Variants in YEATS2 observed in about 807,000 individuals in gnomAD.
YEATS2 encodes the protein YEATS domain-containing protein 2.
YEATS2 carries 77 observed loss-of-function variants against 163.2 expected under a neutral mutation model. The observed-to-expected ratio is 0.47, with a 90% CI of 0.39 to 0.57. The LOEUF (loss-of-function observed/expected upper bound fraction) is 0.57, where lower values mean the gene tolerates loss of function less well. YEATS2 is among the 20% of genes least tolerant of loss of function. The pLI is 0.00. For synonymous variants in YEATS2, 631 were observed against 645.1 expected (o/e 0.98, Z 0.33); for missense variants, 1,549 against 1,729.8 (o/e 0.90, Z 1.85).
chr3:183,773,125 T>C (rs1343903125), intron 16 of YEATS2, among the ~76,000 whole-genome samples: 1 of 152,202 alleles, frequency 6.6e-6, no homozygotes, highest in Non-Finnish European at 1.5e-5. Context: ...AATATATGGA[T>C]ATTTTTTATC....
At chr3:183,802,171 G>T (rs1177278204) in intron 25 of YEATS2, 3 of 152,454 alleles carry the variant, frequency 2.0e-5, no homozygotes, top group Admixed American at 2.0e-4. Context: ...AGCCCCAGTT[G>T]TTTTGACAGA....
chr3:183,722,257 T>G (rs1469234364), intron 5 of YEATS2, 121 bp downstream of exon 5: 1 of 1,092,608 alleles, frequency 9.2e-7, no homozygotes, highest in East Asian at 2.8e-5. Flanking sequence ...TTGTTTTCCT[T>G]TTATAATGGG....
At chr3:183,723,314 C>T (rs185831518) in intron 5 of YEATS2, among the ~76,000 whole-genome samples, 18 of 152,256 alleles carry the variant, frequency 1.2e-4, no homozygotes, top group Admixed American at 3.9e-4. Flanking sequence ...ATTAGAGCAG[C>T]GATTTTTCTC....
At chr3:183,773,604 T>C in intron 16 of YEATS2, 29 bp from the exon 17 acceptor site, 1 of 1,563,152 alleles carries the variant, frequency 6.4e-7, no homozygotes, top group Non-Finnish European at 8.6e-7. Flanking sequence ...TCAATTTATC[T>C]TACAATTTTT....
chr3:183,732,783 TCTC>T (rs199965860), intron 7 of YEATS2, among the ~76,000 whole-genome samples: 4,132 of 152,130 alleles, frequency 0.027, 182 homozygotes, highest in African/African-American at 0.094. Context: ...ATGGTCTCGA[TCTC>T]CTGACCTCAT....
intron 8 of YEATS2, among the ~76,000 whole-genome samples, chr3:183,746,658 T>TC (rs72152156): frequency 4.8e-5 from 2 of 41,932 alleles, no homozygotes; most frequent in Middle Eastern, 0.015. Flanking sequence ...TAAAATTACC[T>TC]TTTTTTTTTT....
At chr3:183,766,944 G>A (rs766404338) in intron 15 of YEATS2, among the ~76,000 whole-genome samples, 1 of 151,804 alleles carries the variant, frequency 6.6e-6, no homozygotes, top group African/African-American at 2.4e-5. Flanking sequence ...CAAAGTGTTG[G>A]GGTTATAAGC....
At chr3:183,793,015 C>T in intron 21 of YEATS2, 9 of 703,018 alleles carry the variant, frequency 1.3e-5, no homozygotes, top group South Asian at 7.8e-5. Flanking sequence ...TTTTGTTTTT[C>T]TATAATCTGG....
At chr3:183,755,488 A>G (rs1286069389) in intron 11 of YEATS2, among the ~76,000 whole-genome samples, 1 of 152,198 alleles carries the variant, frequency 6.6e-6, no homozygotes, top group Non-Finnish European at 1.5e-5. Flanking sequence ...AATAGGCTGA[A>G]CATATAAATT....
chr3:183,776,486 G>A (rs1465953608), intron 18 of YEATS2, among the ~76,000 whole-genome samples: 1 of 152,156 alleles, frequency 6.6e-6, no homozygotes, highest in Non-Finnish European at 1.5e-5. Context: ...TGAGGCTGCA[G>A]TGAGCTGAGG....
In YEATS2 at chr3:183,758,749, C is replaced by A. The variant is rs1577127709; in HGVS notation, c.1553-113C>A. The A allele has an allele frequency of 3.7e-6, 3 of 803,542 alleles. No homozygotes were observed. The East Asian group carries it at 8.2e-5, about 22-fold the overall frequency. 49.8% of individuals were successfully genotyped at this position (803,542 alleles called of 1,614,324 possible). A position where few individuals can be genotyped will look rare whatever the true frequency, so the allele number is the denominator to read the frequency against. ...TCAGCCTTAACAATGAGTTTTCAACCCTTAAACATGAAAAATAAATAGTGC... is the reference window on the plus strand; with the variant it reads ...TCAGCCTTAACAATGAGTTTTCAACACTTAAACATGAAAAATAAATAGTGC... On this transcript the variant is annotated intron_variant, in intron 12 of 30. Coordinates refer to ENST00000305135, the MANE Select transcript of YEATS2 (RefSeq NM_018023.5).
Position 183,790,811 on chromosome 3 carries a change from T to C in YEATS2, c.2928T>C (p.Ala976=), listed in dbSNP as rs761091251. 1 of 1,614,014 alleles carries C rather than the reference T, an allele frequency of 6.2e-7. No individual in the cohort carries two copies. The highest frequency in any genetic ancestry group is 1.1e-5 in the South Asian group (1 of 91,074). ...NGPAQQSEGM[A]PVSSSTVSSV... ...TGGGTGAGCAGTCTGAAGGAATGGC[T>C]CCCGTGTCTTCATCTACGGTCAGTT... Residue 976 remains alanine, a synonymous_variant, in exon 21 of 31, where the codon GCT becomes GCC. Transcript: ENST00000305135.
chr3:183,800,214 T>C (rs1038308855), intron 23 of YEATS2, among the ~76,000 whole-genome samples: 4 of 152,214 alleles, frequency 2.6e-5, no homozygotes, highest in Admixed American at 6.5e-5. Flanking sequence ...TTAAGAAATA[T>C]CTAAGGAGCC....
In YEATS2 at chr3:183,810,725, C is replaced by T. The variant is rs189171252; in HGVS notation, c.*142C>T. 4 of 691,036 alleles carry T rather than the reference C, an allele frequency of 5.8e-6. No homozygotes were observed. Among genetic ancestry groups the T allele is most frequent in the Admixed American group, 4.7e-5 (2 of 42,112 alleles). The allele number at this position is 691,036 out of a possible 1,614,324, so 42.8% of individuals were successfully genotyped here. A position where few individuals can be genotyped will look rare whatever the true frequency, so the allele number is the denominator to read the frequency against. ...CAACCTTTGCCGCTGCCTGTTCCCA[C>T]GTGTCACCAGCACGCTGCACTCCAG... On this transcript the variant is annotated 3_prime_UTR_variant, in exon 31 of 31. Transcript: ENST00000305135.
chr3:183,803,984 A>C lies in YEATS2; in HGVS notation c.3583-3A>C. 1 of 1,609,214 alleles carries C rather than the reference A, an allele frequency of 6.2e-7. No individual in the cohort carries two copies. The highest frequency in any genetic ancestry group is 2.2e-5 in the East Asian group (1 of 44,842). On this transcript the variant is annotated splice_polypyrimidine_tract_variant and splice_region_variant and intron_variant, in intron 26 of 30. Coordinates refer to ENST00000305135, the MANE Select transcript of YEATS2 (RefSeq NM_018023.5). ...GGTTCCAAAAGAAAATTTTTTTTTT[A>C]AGTGGCAAAGAGCAATGACAATGCG...
chr3:183,748,922 G>A (rs1285965544), intron 9 of YEATS2, among the ~76,000 whole-genome samples: 3 of 151,540 alleles, frequency 2.0e-5, no homozygotes, highest in African/African-American at 7.3e-5. Flanking sequence ...ATATGTGTGT[G>A]TATATATATA....
At chr3:183,757,754 TG>T (rs1720921718) in intron 12 of YEATS2, among the ~76,000 whole-genome samples, 1 of 152,008 alleles carries the variant, frequency 6.6e-6, no homozygotes, top group Non-Finnish European at 1.5e-5. Context: ...GAATGTATGT[TG>T]GGCTTTTCCA....
chr3:183,772,596 C>T (rs779153879), intron 16 of YEATS2, 33 bp downstream of exon 16: 9 of 1,607,848 alleles, frequency 5.6e-6, no homozygotes, highest in Non-Finnish European at 7.7e-6. Context: ...GCCCTTTCAG[C>T]AGAAGCTCTG....
intron 8 of YEATS2, among the ~76,000 whole-genome samples, chr3:183,746,176 C>T (rs1282896516): frequency 6.6e-6 from 1 of 152,074 alleles, no homozygotes; most frequent in Non-Finnish European, 1.5e-5. Flanking sequence ...GATCCTCCTG[C>T]GTCAGCCTCC....
Sources: allele counts gnomAD v4.1 joint callset (sites outside exome capture counted in the v4.1 genomes callset), GRCh38; gene constraint gnomAD v4.1.1; transcripts MANE v1.5; gene names NCBI Gene and HGNC (gene_info 2026-07-23, HGNC 2026-07-21).